Variants in PRKG1 observed in about 807,000 individuals in gnomAD.
PRKG1 encodes the protein cGMP-dependent protein kinase 1.
A neutral mutation model predicts 88.1 loss-of-function variants in PRKG1; 35 were observed. The observed-to-expected ratio is 0.40, with a 90% CI of 0.30 to 0.53. The LOEUF is 0.53. Among genes scored for constraint, PRKG1 ranks in the 20% least tolerant of loss-of-function variants. The probability of loss-of-function intolerance (pLI) is 0.59; values close to 1 mark genes in which losing one functional copy is unlikely to be tolerated. For synonymous variants in PRKG1, 303 were observed against 292.5 expected (o/e 1.04, Z -0.37); for missense variants, 540 against 839.8 (o/e 0.64, Z 4.41).
upstream of PRKG1, among the ~76,000 whole-genome samples, chr10:51,071,741 T>C (rs1843829189): frequency 6.6e-6 from 1 of 152,218 alleles, no homozygotes; most frequent in African/African-American, 2.4e-5. Flanking sequence ...GGAAAGTGTT[T>C]TAGTTTTTAT....
intron 8 of PRKG1, among the ~76,000 whole-genome samples, chr10:52,159,454 T>A (rs79037340): frequency 0.087 from 13,195 of 151,518 alleles, 801 homozygotes; most frequent in Non-Finnish European, 0.13. Flanking sequence ...TTAAAATGTG[T>A]TTTTTTCCAA....
chr10:51,610,892 G>A (rs1838889007), intron 3 of PRKG1, among the ~76,000 whole-genome samples: 1 of 152,074 alleles, frequency 6.6e-6, no homozygotes, highest in African/African-American at 2.4e-5. Context: ...GGCCTATCAG[G>A]GCTTGGGGGG....
chr10:51,031,602 A>G (rs1378680537), intron 1 of PRKG1, among the ~76,000 whole-genome samples: 1 of 152,174 alleles, frequency 6.6e-6, no homozygotes, highest in East Asian at 1.9e-4. Context: ...TCTTTACTGT[A>G]TACATGCAGT....
chr10:52,176,173 C>CTTTTTTTTTTTTTT (rs140722137), intron 9 of PRKG1, among the ~76,000 whole-genome samples: 1 of 95,674 alleles, frequency 1.0e-5, no homozygotes. Context: ...TTCTTTTTCT[C>CTTTTTTTTTTTTTT]TTTTTTTTTT....
chr10:52,205,293 T>A (rs973219712), intron 9 of PRKG1, among the ~76,000 whole-genome samples: 7 of 152,076 alleles, frequency 4.6e-5, no homozygotes, highest in Admixed American at 4.6e-4. Context: ...GTACACTCCC[T>A]CCCCTTTGAA....
At chr10:51,708,076 G>C (rs763078966) in intron 3 of PRKG1, among the ~76,000 whole-genome samples, 2 of 152,184 alleles carry the variant, frequency 1.3e-5, no homozygotes, top group Non-Finnish European at 2.9e-5. Context: ...CTAGGCTGCT[G>C]TATTAGAATA....
At position 51,078,590 on chromosome 10, in the gene PRKG1, A is replaced by ATATTTATT. The variant is rs35676352; in HGVS notation, c.311+3726_311+3733dup. 8.0e-3 allele frequency among the ~76,000 whole-genome samples: 1,105 copies of ATATTTATT among 137,298 alleles called. 4 individuals carry two copies. The highest frequency in any genetic ancestry group is 0.014 in the East Asian group (68 of 4,746). The allele number at this position is 137,298 out of a possible 152,430, so 90.1% of individuals were successfully genotyped here. ...GAGTTGAGGATAAAAATATTTATTTATATTTATTTATTTATTTATTTATTT... is the reference window on the plus strand; with the variant it reads ...GAGTTGAGGATAAAAATATTTATTTATATTTATTTATTTATTTATTTATTTATTTATTT... On this transcript the variant is annotated intron_variant, in intron 1 of 17. Transcript: ENST00000373980.
chr10:51,473,501 G>A (rs753610130), intron 3 of PRKG1, among the ~76,000 whole-genome samples: 13 of 151,754 alleles, frequency 8.6e-5, no homozygotes, highest in Non-Finnish European at 1.9e-4. Context: ...TATTGACCAG[G>A]CCTGGTAGAT....
At chr10:51,568,629 A>T (rs1286012208) in intron 3 of PRKG1, 2 of 152,078 alleles carry the variant, frequency 1.3e-5, no homozygotes, top group Non-Finnish European at 2.9e-5. Flanking sequence ...CTTTATAGCA[A>T]GTATTGAATG....
intron 9 of PRKG1, 70 bp from the exon 10 acceptor site, chr10:52,251,500 G>A: frequency 8.7e-7 from 1 of 1,155,224 alleles, no homozygotes; most frequent in Non-Finnish European, 1.3e-6. Flanking sequence ...TGTCATTCTG[G>A]TACAGATGTA....
At chr10:51,515,360 T>A (rs935574039) in intron 3 of PRKG1, among the ~76,000 whole-genome samples, 3 of 152,222 alleles carry the variant, frequency 2.0e-5, no homozygotes, top group African/African-American at 7.2e-5. Flanking sequence ...AGAATGAGAA[T>A]GATCAGCATA....
chr10:51,897,544 T>C (rs1187818375), intron 4 of PRKG1, among the ~76,000 whole-genome samples: 1 of 152,214 alleles, frequency 6.6e-6, no homozygotes, highest in African/African-American at 2.4e-5. Flanking sequence ...TATAATCTTT[T>C]GAAAATATCA....
At chr10:52,118,317 A>G (rs1847736886) in intron 7 of PRKG1, among the ~76,000 whole-genome samples, 1 of 152,036 alleles carries the variant, frequency 6.6e-6, no homozygotes, top group South Asian at 2.1e-4. Flanking sequence ...ATCACCTTGC[A>G]GAAACTCTTT....
At chr10:51,219,957 A>G (rs76630178) in intron 2 of PRKG1, among the ~76,000 whole-genome samples, 4,607 of 152,162 alleles carry the variant, frequency 0.03, 112 homozygotes, top group East Asian at 0.11. Context: ...ATTCTGTTAT[A>G]TGGACCAGCT....
At chr10:52,000,166 C>T (rs1844557958) in intron 5 of PRKG1, among the ~76,000 whole-genome samples, 1 of 151,822 alleles carries the variant, frequency 6.6e-6, no homozygotes, top group Non-Finnish European at 1.5e-5. Context: ...AAAAGCAGAG[C>T]TCAGGATGAT....
chr10:52,257,909 G>A lies in PRKG1; in HGVS notation c.1173+6243G>A, dbSNP rs1446693087. On this transcript the variant is annotated intron_variant, in intron 10 of 17. Transcript: ENST00000373980. ...CAACTGCTAAAATAACCACATGACA[G>A]TTTCAATGCAGAAATTACAAGTAGT... is the stretch of plus-strand genomic sequence containing the variant. 1.4e-5 allele frequency among the ~76,000 whole-genome samples: 2 copies of A among 139,030 alleles called. 1 individual carries two copies. Among genetic ancestry groups the A allele is most frequent in the Admixed American group, 1.5e-4 (2 of 13,228 alleles). The allele number at this position is 139,030 out of a possible 152,430, so 91.2% of individuals were successfully genotyped here.
intron 12 of PRKG1, among the ~76,000 whole-genome samples, chr10:52,275,479 T>A (rs1841850439): frequency 6.6e-6 from 1 of 152,112 alleles, no homozygotes; most frequent in Admixed American, 6.6e-5. Flanking sequence ...TTGTCAAAGA[T>A]CAGTTGGCTG....
At chr10:51,865,465 T>A (rs572183241) in intron 4 of PRKG1, among the ~76,000 whole-genome samples, 3 of 152,164 alleles carry the variant, frequency 2.0e-5, no homozygotes, top group Non-Finnish European at 4.4e-5. Context: ...TTGTGATGAG[T>A]ATGAAAAATT....
intron 9 of PRKG1, among the ~76,000 whole-genome samples, chr10:52,189,913 T>C (rs1564509943): frequency 6.6e-6 from 1 of 152,226 alleles, no homozygotes; most frequent in African/African-American, 2.4e-5. Flanking sequence ...TAATGAGTAT[T>C]CTCATTTATA....
Sources: gnomAD v4.1 joint callset for allele counts (sites outside exome capture counted in the v4.1 genomes callset) on GRCh38, gnomAD v4.1.1 for gene constraint, MANE v1.5 for transcripts, NCBI Gene and HGNC (gene_info 2026-07-23, HGNC 2026-07-21) for gene names.